INPP5A: variants seen among roughly 807,000 people sequenced by gnomAD.
The protein encoded by INPP5A is 43 kDa inositol polyphosphate 5-phophatase.
INPP5A carries 14 observed loss-of-function variants against 65.2 expected under a neutral mutation model. The ratio of observed to expected loss-of-function variants is 0.21; its 90% CI spans 0.14 to 0.34. The LOEUF (loss-of-function observed/expected upper bound fraction) is 0.34, where lower values mean the gene tolerates loss of function less well. INPP5A is among the 10% of genes least tolerant of loss of function. The pLI, the probability that INPP5A is intolerant of heterozygous loss-of-function variation, is 1.00. For missense variants in INPP5A, 431 were observed against 545.6 expected, an observed-to-expected ratio of 0.79 and a Z score of 2.09; for synonymous variants, 207 against 208.3, an observed-to-expected ratio of 0.99 and a Z score of 0.05.
intron 8 of INPP5A, among the ~76,000 whole-genome samples, chr10:132,716,837 G>A (rs1845748272): frequency 6.6e-6 from 1 of 152,236 alleles, no homozygotes; most frequent in Non-Finnish European, 1.5e-5. Context: ...TGAGAGCGGC[G>A]GCTGCCGAAG....
chr10:132,645,738 G>A (rs1032811992), intron 2 of INPP5A, 130 bp from the exon 3 acceptor site: 25 of 622,564 alleles, frequency 4.0e-5, no homozygotes, highest in South Asian at 2.1e-4. Flanking sequence ...ACCCATGGTC[G>A]CAGACATGGG....
At chr10:132,773,079 G>C (rs1033012235) in intron 12 of INPP5A, among the ~76,000 whole-genome samples, 1 of 152,246 alleles carries the variant, frequency 6.6e-6, no homozygotes. Flanking sequence ...CGCCCTCCCC[G>C]GTGGAGGCCT....
rs569728360 is a variant in INPP5A, at chr10:132,596,957, A to ATGTGTGCG, written c.76-10950_76-10943dup. ...CACGCATGTGTGCGTGTGTGCACACATGTGTGCGTGTGTGCATGCGTGTGT... is the reference window on the plus strand; with the variant it reads ...CACGCATGTGTGCGTGTGTGCACACATGTGTGCGTGTGTGCGTGTGTGCATGCGTGTGT... On this transcript the variant is annotated intron_variant, in intron 1 of 15. Coordinates refer to ENST00000368594, the MANE Select transcript of INPP5A (RefSeq NM_005539.5). 1.4e-3 allele frequency among the ~76,000 whole-genome samples: 168 copies of ATGTGTGCG among 119,452 alleles called. 1 individual carries two copies. The highest frequency in any genetic ancestry group is 2.8e-3 in the Admixed American group (33 of 11,738). The allele number at this position is 119,452 out of a possible 152,430, so 78.4% of individuals were successfully genotyped here.
chr10:132,718,984 A>G (rs1428134324), intron 8 of INPP5A, among the ~76,000 whole-genome samples: 6 of 129,850 alleles, frequency 4.6e-5, no homozygotes, highest in Middle Eastern at 5.4e-3. Flanking sequence ...GTTCTGTGGT[A>G]CCTGGGTTCT....
intron 4 of INPP5A, among the ~76,000 whole-genome samples, chr10:132,668,246 T>C (rs937997915): frequency 6.6e-6 from 1 of 152,126 alleles, no homozygotes; most frequent in Admixed American, 6.5e-5. Context: ...GATCCTTTCT[T>C]AGGTGAAATG....
At position 132,781,880 on chromosome 10, in the gene INPP5A, G is replaced by A. The variant is rs374027590; in HGVS notation, c.1178G>A (p.Arg393Gln). ...GDHKPVFLAF[R>Q]IMPGAGKPHA... ...CTGCAGCCCGTGTTCCTGGCCTTCC[G>A]AATCATGCCCGGGGCAGGTAAACCT... The change falls in exon 15 of 16, where the codon CGA becomes CAA. Residue 393 changes from arginine to glutamine, a missense_variant. By Grantham distance (43) the Arg-to-Gln change is conservative. Transcript: ENST00000368594. The A allele has an allele frequency of 6.8e-6, 11 of 1,613,796 alleles. No homozygotes were observed. Among genetic ancestry groups the A allele is most frequent in the East Asian group, 6.7e-5 (3 of 44,876 alleles).
chr10:132,769,616 CTG>C (rs559499169), intron 12 of INPP5A, among the ~76,000 whole-genome samples: 132 of 152,344 alleles, frequency 8.7e-4, no homozygotes, highest in Admixed American at 2.5e-3. Flanking sequence ...ACTCTGGTCT[CTG>C]GAAACCAGGC....
Position 132,727,101 on chromosome 10 carries a change from C to A in INPP5A, c.732+196C>A. ...GATCCGTGTTGGAATCCGGGGTGCG[C>A]GGGCCCTCAAGGTTGCCCCGGATGG... On this transcript the variant is annotated intron_variant, in intron 9 of 15. Transcript: ENST00000368594. This position sits in a 1 kb window ranked among gnomAD's most constrained non-coding sequence, Gnocchi z 6.5. 1 of 435,100 alleles carries A rather than the reference C, an allele frequency of 2.3e-6. No homozygotes were observed. The highest frequency in any genetic ancestry group is 4.1e-6 in the Non-Finnish European group (1 of 243,266). The allele number at this position is 435,100 out of a possible 1,614,324, so 27.0% of individuals were successfully genotyped here.
chr10:132,735,756 C>T (rs1022909900), intron 9 of INPP5A, among the ~76,000 whole-genome samples: 3 of 152,324 alleles, frequency 2.0e-5, no homozygotes, highest in South Asian at 2.1e-4. Flanking sequence ...CGGGCAGAGC[C>T]GGGCTGGCAG....
At chr10:132,582,862 C>T (rs1401156821) in intron 1 of INPP5A, among the ~76,000 whole-genome samples, 2 of 152,246 alleles carry the variant, frequency 1.3e-5, no homozygotes, top group African/African-American at 4.8e-5. Flanking sequence ...GTAAGTCTTA[C>T]AGTCAGTGCA....
At chr10:132,591,957 C>T (rs764147038) in intron 1 of INPP5A, among the ~76,000 whole-genome samples, 3 of 152,108 alleles carry the variant, frequency 2.0e-5, no homozygotes, top group Non-Finnish European at 4.4e-5. Context: ...GAGGTGTCAG[C>T]GTGTGTGGGG....
chr10:132,571,016 C>T (rs1011509690), intron 1 of INPP5A, among the ~76,000 whole-genome samples: 2 of 152,136 alleles, frequency 1.3e-5, no homozygotes, highest in African/African-American at 2.4e-5. Flanking sequence ...AGCCTACTCC[C>T]GTGGGTTCGG....
Position 132,678,549 on chromosome 10 carries a change from T to TC in INPP5A, c.307-11841dup, listed in dbSNP as rs2073001265. Among the ~76,000 whole-genome samples the TC allele has an allele frequency of 6.6e-6, 1 of 152,166 alleles. No individual in the cohort carries two copies. The highest frequency in any genetic ancestry group is 2.4e-5 in the African/African-American group (1 of 41,438). On this transcript the variant is annotated intron_variant, in intron 4 of 15. Transcript: ENST00000368594. This position sits in a 1 kb window ranked among gnomAD's most constrained non-coding sequence, Gnocchi z 4.1. ...TTTGAGACCTGAGCTGAGGGTTCTG[T>TC]CCAGCGGTCCTGAGCTGCTGCTGCT...
At chr10:132,754,939 A>G (rs1410959932) in intron 11 of INPP5A, among the ~76,000 whole-genome samples, 4 of 150,866 alleles carry the variant, frequency 2.7e-5, no homozygotes, top group Non-Finnish European at 5.9e-5. Flanking sequence ...GTGCGTGCAT[A>G]TGCATGTGAA....
At chr10:132,579,861 T>G (rs1452076793) in intron 1 of INPP5A, among the ~76,000 whole-genome samples, 4 of 152,112 alleles carry the variant, frequency 2.6e-5, no homozygotes, top group African/African-American at 9.7e-5. Context: ...CGCCTGGTTC[T>G]TGGTGCTCCC....
At chr10:132,610,412 C>T (rs2071928554) in intron 2 of INPP5A, among the ~76,000 whole-genome samples, 1 of 152,246 alleles carries the variant, frequency 6.6e-6, no homozygotes, top group South Asian at 2.1e-4. Flanking sequence ...TGCCCCGGGC[C>T]TAGCTCCGGG....
chr10:132,752,497 G>A (rs961332130), intron 11 of INPP5A, among the ~76,000 whole-genome samples: 5 of 143,478 alleles, frequency 3.5e-5, no homozygotes, highest in Admixed American at 1.4e-4. Context: ...AGTGGAAGGG[G>A]TGCAGTGTGG....
intron 13 of INPP5A, among the ~76,000 whole-genome samples, chr10:132,778,104 C>A (rs1349023963): frequency 1.3e-5 from 2 of 152,166 alleles, no homozygotes; most frequent in Non-Finnish European, 2.9e-5. Flanking sequence ...TGGAAGTCAA[C>A]GTGCTCTTGT....
intron 1 of INPP5A, among the ~76,000 whole-genome samples, chr10:132,596,854 T>C (rs61862760): frequency 2.2e-4 from 19 of 86,116 alleles, no homozygotes; most frequent in South Asian, 9.3e-4. Flanking sequence ...CATGCGTGTG[T>C]GTGCATGTGT....
Sources: allele counts gnomAD v4.1 joint callset (sites outside exome capture counted in the v4.1 genomes callset), GRCh38; gene constraint gnomAD v4.1.1; non-coding constraint Gnocchi (gnomAD v3.1); transcripts MANE v1.5; gene names NCBI Gene and HGNC (gene_info 2026-07-23, HGNC 2026-07-21).